NPAS3: variants seen among roughly 807,000 people sequenced by gnomAD.
The protein encoded by NPAS3 is neuronal PAS domain protein 3, also known as neuronal PAS domain-containing protein 3.
In NPAS3, 14 loss-of-function variants were observed where a neutral mutation model predicts 73.1. That is an observed-to-expected ratio of 0.19 (90% CI 0.13 to 0.30). The LOEUF is 0.30. Ranked by LOEUF, NPAS3 falls within the 10% of genes least tolerant of loss-of-function variation. NPAS3 has a pLI of 1.00. For synonymous variants in NPAS3, 620 were observed against 541.5 expected (o/e 1.14, Z -2.01); for missense variants, 1,096 against 1,250.0 (o/e 0.88, Z 1.86).
At chr14:33,676,457 A>G in intron 6 of NPAS3, 72 bp downstream of exon 6, 1 of 1,313,176 alleles carries the variant, frequency 7.6e-7, no homozygotes. Context: ...CAAGTTACCC[A>G]TGTGAAGAGA....
chr14:33,460,729 G>T (rs376297570), intron 4 of NPAS3, among the ~76,000 whole-genome samples: 97 of 151,324 alleles, frequency 6.4e-4, no homozygotes, highest in African/African-American at 2.3e-3. Flanking sequence ...TCGTCGTTTT[G>T]TTTTTTTACC....
At chr14:33,607,701 A>G (rs974009906) in intron 5 of NPAS3, among the ~76,000 whole-genome samples, 3 of 152,186 alleles carry the variant, frequency 2.0e-5, no homozygotes, top group African/African-American at 7.2e-5. Flanking sequence ...TGTTAGGAAC[A>G]TGTATTAGTC....
At chr14:32,983,606 G>A (rs944960360) in intron 1 of NPAS3, among the ~76,000 whole-genome samples, 3 of 151,896 alleles carry the variant, frequency 2.0e-5, no homozygotes, top group African/African-American at 7.3e-5. Flanking sequence ...TAAATCTTTG[G>A]CTGAAACTGT....
At chr14:33,448,347 T>C (rs1345859668) in intron 4 of NPAS3, among the ~76,000 whole-genome samples, 2 of 152,154 alleles carry the variant, frequency 1.3e-5, no homozygotes, top group African/African-American at 4.8e-5. Context: ...GATAACAGAT[T>C]TCATCTCTCT....
chr14:33,493,843 T>A (rs1185558634), intron 4 of NPAS3, among the ~76,000 whole-genome samples: 2 of 152,092 alleles, frequency 1.3e-5, no homozygotes, highest in Admixed American at 6.6e-5. Flanking sequence ...ATAAAAAGGC[T>A]CCTTTTTTGA....
intron 4 of NPAS3, among the ~76,000 whole-genome samples, chr14:33,483,165 T>G (rs755552201): frequency 3.3e-5 from 5 of 152,128 alleles, no homozygotes; most frequent in Non-Finnish European, 7.4e-5. Flanking sequence ...AATAGAACAT[T>G]CAAGTGTGCA....
chr14:33,444,246 G>A (rs1009739222), intron 4 of NPAS3, among the ~76,000 whole-genome samples: 1 of 152,180 alleles, frequency 6.6e-6, no homozygotes, highest in Non-Finnish European at 1.5e-5. Context: ...CAGTTGCAGT[G>A]TTACAACTTT....
At chr14:33,381,697 A>G (rs1245667039) in intron 4 of NPAS3, among the ~76,000 whole-genome samples, 3 of 152,248 alleles carry the variant, frequency 2.0e-5, no homozygotes, top group Non-Finnish European at 4.4e-5. Context: ...TTATTTTACA[A>G]TGGAAGTTTT....
chr14:33,435,255 C>T (rs1329194366), intron 4 of NPAS3, among the ~76,000 whole-genome samples: 1 of 152,112 alleles, frequency 6.6e-6, no homozygotes, highest in Non-Finnish European at 1.5e-5. Context: ...AAAACCTGGT[C>T]AAATAAGATT....
chr14:33,600,040 A>G (rs1163744144), intron 5 of NPAS3, among the ~76,000 whole-genome samples: 1 of 152,194 alleles, frequency 6.6e-6, no homozygotes, highest in African/African-American at 2.4e-5. Context: ...CATCCAGCCC[A>G]GGCACTAGAG....
intron 1 of NPAS3, among the ~76,000 whole-genome samples, chr14:32,961,234 A>C (rs2036901224): frequency 6.6e-6 from 1 of 151,954 alleles, no homozygotes; most frequent in African/African-American, 2.4e-5. Context: ...CAACATGGTG[A>C]AACCTTGTCT....
intron 1 of NPAS3, among the ~76,000 whole-genome samples, chr14:33,044,531 G>A (rs2040441201): frequency 1.3e-5 from 2 of 152,262 alleles, no homozygotes; most frequent in African/African-American, 2.4e-5. Flanking sequence ...AGGGAAGTCT[G>A]TGTAGTTTCC....
intron 3 of NPAS3, among the ~76,000 whole-genome samples, chr14:33,230,554 A>T (rs975659524): frequency 2.0e-5 from 3 of 152,106 alleles, no homozygotes; most frequent in African/African-American, 7.2e-5. Context: ...AATTACATCT[A>T]CTCTAGATTA....
intron 7 of NPAS3, among the ~76,000 whole-genome samples, chr14:33,738,442 G>A (rs1372711909): frequency 3.3e-5 from 5 of 152,074 alleles, no homozygotes; most frequent in African/African-American, 9.7e-5. Context: ...GGGGCTCACC[G>A]TATCCCACTG....
At chr14:33,022,596 C>A (rs971018178) in intron 1 of NPAS3, among the ~76,000 whole-genome samples, 3 of 139,954 alleles carry the variant, frequency 2.1e-5, no homozygotes, top group African/African-American at 8.1e-5. Context: ...ACCCGGGAGG[C>A]GGAGCCTGCA....
At chr14:33,528,117 C>T (rs908545909) in intron 4 of NPAS3, among the ~76,000 whole-genome samples, 2 of 152,050 alleles carry the variant, frequency 1.3e-5, no homozygotes, top group Non-Finnish European at 2.9e-5. Flanking sequence ...GTTTATTCTT[C>T]ACACTATTCC....
intron 4 of NPAS3, among the ~76,000 whole-genome samples, chr14:33,407,393 G>C (rs2047714229): frequency 6.6e-6 from 1 of 152,134 alleles, no homozygotes; most frequent in Non-Finnish European, 1.5e-5. Context: ...CTCCTGAACT[G>C]ATGTGGCATT....
intron 2 of NPAS3, among the ~76,000 whole-genome samples, chr14:33,062,168 T>TG (rs2138582444): frequency 6.6e-6 from 1 of 152,008 alleles, no homozygotes; most frequent in Non-Finnish European, 1.5e-5. Flanking sequence ...ACCCTGGAGG[T>TG]GGATTAGGCC....
chr14:33,529,581 T>C (rs187390024), intron 4 of NPAS3, among the ~76,000 whole-genome samples: 2 of 152,200 alleles, frequency 1.3e-5, no homozygotes, highest in Admixed American at 6.5e-5. Flanking sequence ...TCCTTTGTGT[T>C]GTTAAAGTAA....
Sources: gnomAD v4.1 joint callset for allele counts (sites outside exome capture counted in the v4.1 genomes callset) on GRCh38, gnomAD v4.1.1 for gene constraint, MANE v1.5 for transcripts, NCBI Gene and HGNC (gene_info 2026-07-23, HGNC 2026-07-21) for gene names.